HSF4: variants seen among roughly 807,000 people sequenced by gnomAD.
The protein encoded by HSF4 is heat shock transcription factor 4, also known as heat shock factor protein 4.
HSF4 carries 41 observed loss-of-function variants against 52.0 expected under a neutral mutation model. The observed-to-expected ratio is 0.79, with a 90% CI of 0.61 to 1.02. The LOEUF (loss-of-function observed/expected upper bound fraction) is 1.02. HSF4 is among the 50% of genes least tolerant of loss of function. The pLI, the probability that HSF4 is intolerant of heterozygous loss-of-function variation, is 0.00. For missense variants in HSF4, 610 were observed against 651.1 expected (o/e 0.94, Z 0.69); for synonymous variants, 285 against 273.0 (o/e 1.04, Z -0.43).
Position 67,165,894 on chromosome 16 carries a change from A to G in HSF4, c.360+48A>G. 1.9e-6 allele frequency: 3 copies of G among 1,595,280 alleles called. No individual in the cohort carries two copies. The highest frequency in any genetic ancestry group is 2.5e-6 in the Non-Finnish European group (3 of 1,177,968). ...AGCAAAGAGGAGGAGGGGTGCTGGGACTGCCTGCCTTGCTCCTGCGACCCA... is the reference window on the plus strand; with the variant it reads ...AGCAAAGAGGAGGAGGGGTGCTGGGGCTGCCTGCCTTGCTCCTGCGACCCA... On this transcript the variant is annotated intron_variant, in intron 3 of 12. Transcript: ENST00000521374. The surrounding 1 kb of genome is among the most constrained non-coding windows in gnomAD (Gnocchi z 6.9).
At position 67,169,384 on chromosome 16, in the gene HSF4, C is replaced by A. The variant is rs753527470; in HGVS notation, c.1324+36C>A. The A allele has an allele frequency of 1.1e-5, 17 of 1,601,694 alleles. No individual in the cohort carries two copies. The highest frequency in any genetic ancestry group is 1.2e-5 in the Non-Finnish European group (14 of 1,173,920). ...TGATGACTCCTACCTGGGAGGACGC[C>A]GTGATTGGGCTGAGCTACCTTGATT... On this transcript the variant is annotated intron_variant, in intron 12 of 12. Transcript: ENST00000521374. The surrounding 1 kb of genome is among the most constrained non-coding windows in gnomAD (Gnocchi z 4.3).
rs753084587 is a variant in HSF4, at chr16:67,164,819, A to G, written c.8A>G (p.Glu3Gly). The G allele has an allele frequency of 4.6e-5, 74 of 1,600,204 alleles. No individual in the cohort carries two copies. In the South Asian group the frequency reaches 6.3e-4, roughly 14 times the overall value. Residue 3 changes from glutamate (E) to glycine (G), a missense_variant, in exon 1 of 13, where the codon GAA becomes GGA. Transcript: ENST00000521374. ...CCGGGCCGAGACTGCACCATGCAGG[A>G]AGCGCCAGCTGCGCTGCCCACGGAG... The part of the protein sequence containing the change: MQ[E>G]APAALPTEPG...
intron 9 of HSF4, among the ~76,000 whole-genome samples, chr16:67,168,270 A>T (rs1215590163): frequency 6.6e-6 from 1 of 152,100 alleles, no homozygotes; most frequent in Admixed American, 6.6e-5. Flanking sequence ...TCAGGAGTTC[A>T]ACACCAGCCT....
At chr16:67,164,011 C>A, upstream of HSF4, 1 of 802,894 alleles carries the variant, frequency 1.2e-6, no homozygotes, top group Non-Finnish European at 2.1e-6. Flanking sequence ...TGCTCTCACC[C>A]TCTGCAGACG....
In HSF4 at chr16:67,166,593, GC is replaced by G; in HGVS notation, c.599del (p.Pro200ArgfsTer12). On this transcript the variant is annotated frameshift_variant, in exon 6 of 13. Transcript: ENST00000521374. LOFTEE classifies it high-confidence loss of function. ...QCLFGPLQAG[P>X]SNAGGKRKLS... is the part of the protein sequence containing the mutation. ...GTCTCTTTGGGCCACTTCAGGCGGGGCCGAGCAATGCAGGAGGCAAGAGAAA... is the reference window on the plus strand; with the variant it reads ...GTCTCTTTGGGCCACTTCAGGCGGGGCGAGCAATGCAGGAGGCAAGAGAAA... 1.2e-6 allele frequency: 2 copies of G among 1,613,936 alleles called. No individual in the cohort carries two copies. Among genetic ancestry groups the G allele is most frequent in the Non-Finnish European group, 8.5e-7 (1 of 1,179,978 alleles).
In HSF4 at chr16:67,166,506, G is replaced by A. The variant is rs994782458; in HGVS notation, c.562-52G>A. On this transcript the variant is annotated intron_variant, in intron 5 of 12. Transcript: ENST00000521374. ...CTTCCTCCCTCACCTGGAAGTGCGG[G>A]GGTGGGGGGGCTGTGTCCAAAGTAT... The A allele has an allele frequency of 2.5e-5, 40 of 1,606,474 alleles. No individual in the cohort carries two copies. In the African/African-American group the frequency reaches 3.1e-4, roughly 12 times the overall value.
In HSF4 at chr16:67,169,370, A is replaced by AGC. The variant is rs2031574768; in HGVS notation, c.1324+22_1324+23insGC. The stretch of plus-strand genomic sequence containing the variant: ...CCAGGTAATGGTTGTGATGACTCCT[A>AGC]CCTGGGAGGACGCCGTGATTGGGCT... On this transcript the variant is annotated intron_variant, in intron 12 of 12. Transcript: ENST00000521374. The surrounding 1 kb of genome is among the most constrained non-coding windows in gnomAD (Gnocchi z 4.3). The AGC allele has an allele frequency of 6.2e-7, 1 of 1,607,512 alleles. No homozygotes were observed. The highest frequency in any genetic ancestry group is 8.5e-7 in the Non-Finnish European group (1 of 1,177,026).
At position 67,164,921 on chromosome 16, in the gene HSF4, T is replaced by C. The variant is rs764520987; in HGVS notation, c.110T>C (p.Ile37Thr). 6.2e-7 allele frequency: 1 copy of C among 1,607,114 alleles called. No homozygotes were observed. The highest frequency in any genetic ancestry group is 8.5e-7 in the Non-Finnish European group (1 of 1,178,880). ...GGGGACCCAGGCACAGACCACCTGA[T>C]CCGCTGGAGCCCGGTGAGGGCCGGG... ...LVGDPGTDHL[I>T]RWSPSGTSFL... The change falls in exon 1 of 13, where the codon ATC (isoleucine) becomes ACC (threonine). Residue 37 changes from isoleucine to threonine, a missense_variant. Physicochemically the swap from Ile to Thr is moderately conservative, Grantham distance 89. Transcript: ENST00000521374.
Position 67,166,004 on chromosome 16 carries a change from T to C in HSF4, c.419T>C (p.Leu140Pro), listed in dbSNP as rs1597239112. The C allele has an allele frequency of 6.0e-6, 9 of 1,490,016 alleles. No homozygotes were observed. The highest frequency in any genetic ancestry group is 1.5e-5 in the African/African-American group (1 of 68,794). 92.3% of individuals were successfully genotyped at this position (1,490,016 alleles called of 1,614,324 possible). A position where few individuals can be genotyped will look rare whatever the true frequency, so the allele number is the denominator to read the frequency against. Residue 140 changes from leucine to proline, a missense_variant, in exon 4 of 13, where the codon CTG becomes CCG. Physicochemically the swap from Leu to Pro is moderately conservative, Grantham distance 98. Transcript: ENST00000521374. The stretch of plus-strand genomic sequence containing the variant: ...CGCCCGGAGGACCTGGGTCGACTAC[T>C]GGGCGAGGTGCAGGCTTTGCGGGGA... ...RWRPEDLGRL[L>P]GEVQALRGVQ... is the part of the protein sequence containing the mutation.
In HSF4 at chr16:67,167,221, C is replaced by A. The variant is rs374407706; in HGVS notation, c.728C>A (p.Ser243Ter). ...CTGCAGGACCCCTACTTCATCCAGT[C>A]GGTAGGTTTGTCTTCTTCCCCCTTC... ...ALLQDPYFIQSPLPETNLGLS... is the reference protein window; with the variant it reads ...ALLQDPYFIQ The change falls in exon 7 of 13, where the codon TCG becomes TAG. Residue 243 changes from serine (S) to a stop codon, truncating the protein, a stop_gained and splice_region_variant. Coordinates refer to ENST00000521374, the MANE Select transcript of HSF4 (RefSeq NM_001374675.1). LOFTEE classifies it high-confidence loss of function. The A allele has an allele frequency of 5.0e-6, 8 of 1,614,000 alleles. No homozygotes were observed. The African/African-American group carries it at 1.1e-4, about 22-fold the overall frequency.
intron 9 of HSF4, among the ~76,000 whole-genome samples, 200 bp downstream of exon 9, chr16:67,168,147 C>A (rs147280729): frequency 2.7e-4 from 41 of 152,318 alleles, no homozygotes; most frequent in African/African-American, 9.1e-4. Flanking sequence ...GAAATGAGTT[C>A]CCTGGGGTGA....
Position 67,165,365 on chromosome 16 carries a change from T to G in HSF4, c.124-157T>G. The G allele has an allele frequency of 1.4e-6, 1 of 706,578 alleles. No individual in the cohort carries two copies. The highest frequency in any genetic ancestry group is 2.5e-6 in the Non-Finnish European group (1 of 406,912). 43.8% of individuals were successfully genotyped at this position (706,578 alleles called of 1,614,324 possible). A position where few individuals can be genotyped will look rare whatever the true frequency, so the allele number is the denominator to read the frequency against. ...CCAGGCTAGGCCTCGGAGCCCGTTC[T>G]GGCCTGGCCTCGACCCATATCCCCG... On this transcript the variant is annotated intron_variant, in intron 1 of 12. Transcript: ENST00000521374. This position sits in a 1 kb window ranked among gnomAD's most constrained non-coding sequence, Gnocchi z 6.9.
At position 67,169,418 on chromosome 16, in the gene HSF4, G is replaced by A. The variant is rs2031581612; in HGVS notation, c.1324+70G>A. The A allele has an allele frequency of 1.7e-5, 27 of 1,578,882 alleles. No individual in the cohort carries two copies. The highest frequency in any genetic ancestry group is 2.2e-5 in the Non-Finnish European group (26 of 1,162,240). On this transcript the variant is annotated intron_variant, in intron 12 of 12. Transcript: ENST00000521374. The surrounding 1 kb of genome is among the most constrained non-coding windows in gnomAD (Gnocchi z 4.3). The stretch of plus-strand genomic sequence containing the variant: ...GCTGAGCTACCTTGATTGAGTGAGG[G>A]GGCAATCTGCAATTTGCAGGGAAAT...
rs1292610268 is a variant in HSF4 at position 67,165,720 on chromosome 16, C to T, written c.234C>T (p.Tyr78=). ...ACGCCCCCACGCCCCACTCCCCAGA[C>T]GGTTTTCGGAAGGTGGTGAGCATCG... ...MASFVRQLNM[Y]GFRKVVSIEQ... The change falls in exon 3 of 13, where the codon TAC becomes TAT. Residue 78 remains tyrosine, a splice_region_variant and synonymous_variant. Coordinates refer to ENST00000521374, the MANE Select transcript of HSF4 (RefSeq NM_001374675.1). This position sits in a 1 kb window ranked among gnomAD's most constrained non-coding sequence, Gnocchi z 6.9. The T allele has an allele frequency of 6.2e-7, 1 of 1,611,932 alleles. No homozygotes were observed. Among genetic ancestry groups the T allele is most frequent in the Non-Finnish European group, 8.5e-7 (1 of 1,179,804 alleles).
At chr16:67,164,097 C>T (rs562489000), upstream of HSF4, 207 of 683,562 alleles carry the variant, frequency 3.0e-4, 2 homozygotes, top group East Asian at 4.0e-3. Flanking sequence ...AGCTCCGCGG[C>T]CCCGGCGCAG....
At position 67,169,875 on chromosome 16, in the gene HSF4, C is replaced by A; in HGVS notation, c.*90C>A. ...CGCCCCCTATCGGGGGTGAGCGAAG[C>A]CCCCACTACTAAATGGCCTCTCTCC... On this transcript the variant is annotated 3_prime_UTR_variant, in exon 13 of 13. Transcript: ENST00000521374. This position sits in a 1 kb window ranked among gnomAD's most constrained non-coding sequence, Gnocchi z 4.3. 1.4e-6 allele frequency: 2 copies of A among 1,382,104 alleles called. No individual in the cohort carries two copies. Among genetic ancestry groups the A allele is most frequent in the Non-Finnish European group, 2.1e-6 (2 of 973,370 alleles). 85.6% of individuals were successfully genotyped at this position (1,382,104 alleles called of 1,614,324 possible).
Position 67,169,112 on chromosome 16 carries a change from G to T in HSF4, c.1254+11G>T, listed in dbSNP as rs1361034589. 4 of 1,611,816 alleles carry T rather than the reference G, an allele frequency of 2.5e-6. No homozygotes were observed. Among genetic ancestry groups the T allele is most frequent in the Non-Finnish European group, 3.4e-6 (4 of 1,179,934 alleles). ...ATGGAGCTGTCCTTGGTAAGAAGTG[G>T]GTCGGGGAGGGCAGAGGCCAGGGGT... is the stretch of plus-strand genomic sequence containing the variant. On this transcript the variant is annotated intron_variant, in intron 11 of 12. Coordinates refer to ENST00000521374, the MANE Select transcript of HSF4 (RefSeq NM_001374675.1). This position sits in a 1 kb window ranked among gnomAD's most constrained non-coding sequence, Gnocchi z 4.3.
upstream of HSF4, chr16:67,164,522 G>C: frequency 1.6e-6 from 1 of 635,006 alleles, no homozygotes; most frequent in Middle Eastern, 2.6e-4. Flanking sequence ...CGAGAGGGGT[G>C]GGACTCGAAC....
In HSF4 at chr16:67,167,830, C is replaced by G. The variant is rs771806483; in HGVS notation, c.965C>G (p.Pro322Arg). ...TGTGACTTCTGCGTGACAGCCCCCC[C>G]GCCACTGCCTGTGGCTGTGGTGCAG... is the stretch of plus-strand genomic sequence containing the variant. The part of the protein sequence containing the change: ...NECDFCVTAP[P>R]PLPVAVVQAI... Residue 322 changes from proline to arginine, a missense_variant, in exon 9 of 13, where the codon CCG (proline) becomes CGG (arginine). Physicochemically the swap from Pro to Arg is moderately radical, Grantham distance 103 (BLOSUM62 -2). Coordinates refer to ENST00000521374, the MANE Select transcript of HSF4 (RefSeq NM_001374675.1). 4.1e-5 allele frequency: 65 copies of G among 1,597,396 alleles called. No homozygotes were observed. The highest frequency in any genetic ancestry group is 4.9e-5 in the Non-Finnish European group (58 of 1,172,606).
Sources: allele counts gnomAD v4.1 joint callset (sites outside exome capture counted in the v4.1 genomes callset), GRCh38; gene constraint gnomAD v4.1.1; non-coding constraint Gnocchi (gnomAD v3.1); transcripts MANE v1.5; gene names NCBI Gene and HGNC (gene_info 2026-07-23, HGNC 2026-07-21).